Variants in SORCS3 observed in about 807,000 individuals in gnomAD.
The protein encoded by SORCS3 is sortilin related VPS10 domain containing receptor 3.
Under a neutral mutation model 146.3 loss-of-function variants are expected in SORCS3, and 57 were observed. That is an observed-to-expected ratio of 0.39 (90% CI 0.31 to 0.49). The LOEUF (loss-of-function observed/expected upper bound fraction) is 0.49. Among genes scored for constraint, SORCS3 ranks in the 20% least tolerant of loss-of-function variants. The pLI is 0.92. For missense variants in SORCS3, 1,341 were observed against 1,575.5 expected, an observed-to-expected ratio of 0.85 and a Z score of 2.52; for synonymous variants, 653 against 618.5, an observed-to-expected ratio of 1.06 and a Z score of -0.83.
rs1441560618 is a variant in SORCS3 at position 105,255,723 on chromosome 10, G to A, written c.3259G>A (p.Ala1087Thr). The part of the protein sequence containing the change: ...LEQIVETLFN[A>T]LNQNLVQFEL... ...TCAGATTGTAGAAACACTGTTTAAT[G>A]CTCTCAACCAAAATTTGGTCCAGTT... is the stretch of plus-strand genomic sequence containing the variant. The change falls in exon 24 of 27, where the codon GCT becomes ACT. Residue 1087 changes from alanine to threonine, a missense_variant. Physicochemically the swap from Ala to Thr is moderately conservative, Grantham distance 58. Coordinates refer to ENST00000369701, the MANE Select transcript of SORCS3 (RefSeq NM_014978.3). 6.2e-7 allele frequency: 1 copy of A among 1,613,686 alleles called. No individual in the cohort carries two copies. The highest frequency in any genetic ancestry group is 8.5e-7 in the Non-Finnish European group (1 of 1,179,842).
rs533642030 is a variant in SORCS3, at chr10:104,696,675, C to CAT, written c.627+54727_627+54728dup. Among the ~76,000 whole-genome samples the CAT allele has an allele frequency of 7.9e-4, 7 of 8,828 alleles. No individual in the cohort carries two copies. In the Admixed American group the frequency reaches 0.014, roughly 17 times the overall value. 5.8% of individuals were successfully genotyped at this position (8,828 alleles called of 152,430 possible). ...TTATATACGTATATATAATATATAA[C>CAT]ATATATAATATATAATATATATTAT... On this transcript the variant is annotated intron_variant, in intron 1 of 26. Transcript: ENST00000369701.
chr10:104,970,535 C>T (rs549082554), intron 3 of SORCS3, among the ~76,000 whole-genome samples: 8 of 152,248 alleles, frequency 5.3e-5, no homozygotes, highest in African/African-American at 1.7e-4. Context: ...TGCTTTGACC[C>T]GTTTCCCCTA....
intron 5 of SORCS3, among the ~76,000 whole-genome samples, chr10:105,074,996 G>A (rs1365753222): frequency 3.9e-5 from 6 of 152,116 alleles, no homozygotes; most frequent in East Asian, 1.9e-4. Flanking sequence ...CACATTATTA[G>A]CCTATAAATA....
chr10:104,859,278 T>C (rs1361379382), intron 2 of SORCS3, among the ~76,000 whole-genome samples: 1 of 152,128 alleles, frequency 6.6e-6, no homozygotes, highest in Non-Finnish European at 1.5e-5. Context: ...TCTACAACTA[T>C]CTGATCTTTG....
intron 6 of SORCS3, among the ~76,000 whole-genome samples, chr10:105,096,088 T>C (rs796424575): frequency 6.9e-6 from 1 of 145,296 alleles, no homozygotes; most frequent in African/African-American, 2.6e-5. Flanking sequence ...CCAAGCATTA[T>C]AATCACCTCA....
At chr10:104,942,553 T>G (rs557459319) in intron 3 of SORCS3, among the ~76,000 whole-genome samples, 50 of 152,280 alleles carry the variant, frequency 3.3e-4, no homozygotes, top group Non-Finnish European at 6.2e-4. Context: ...CCCTAAGACA[T>G]TAGCTAATTA....
chr10:105,242,212 A>G (rs1271404717), intron 20 of SORCS3, among the ~76,000 whole-genome samples: 2 of 146,520 alleles, frequency 1.4e-5, no homozygotes, highest in Admixed American at 1.4e-4. Context: ...ATTGTCCTGC[A>G]TCTTCAATAT....
intron 7 of SORCS3, among the ~76,000 whole-genome samples, chr10:105,108,730 A>G (rs920890127): frequency 6.6e-6 from 1 of 152,236 alleles, no homozygotes; most frequent in African/African-American, 2.4e-5. Flanking sequence ...ATTGGATTTC[A>G]TTAATCATCA....
intron 12 of SORCS3, among the ~76,000 whole-genome samples, chr10:105,165,743 A>G (rs147577934): frequency 9.9e-4 from 151 of 152,264 alleles, no homozygotes; most frequent in Admixed American, 2.3e-3. Flanking sequence ...TAGGCAAACC[A>G]TTTCTGGAGA....
At position 104,791,416 on chromosome 10, in the gene SORCS3, C is replaced by T. The variant is rs78166240; in HGVS notation, c.628-51376C>T. Among the ~76,000 whole-genome samples, 434 of 152,256 alleles carry T rather than the reference C, an allele frequency of 2.9e-3. 1 individual carries two copies. The highest frequency in any genetic ancestry group is 4.3e-3 in the Non-Finnish European group (293 of 68,014). ...GCTGGAAGATAACTTAGGAAGCTGT[C>T]GGGTTCAGCCTTTATGCAAGTAAGA... On this transcript the variant is annotated intron_variant, in intron 1 of 26. Coordinates refer to ENST00000369701, the MANE Select transcript of SORCS3 (RefSeq NM_014978.3).
At chr10:104,861,942 T>G (rs1206844800) in intron 2 of SORCS3, among the ~76,000 whole-genome samples, 6 of 152,188 alleles carry the variant, frequency 3.9e-5, no homozygotes, top group Non-Finnish European at 2.9e-5. Flanking sequence ...ACCTCTGCCT[T>G]TATCTCCGCA....
At chr10:104,849,238 G>A (rs925469430) in intron 2 of SORCS3, among the ~76,000 whole-genome samples, 7 of 151,648 alleles carry the variant, frequency 4.6e-5, no homozygotes, top group South Asian at 2.1e-4. Flanking sequence ...TGGTGAAACC[G>A]TGTCTCTACT....
intron 3 of SORCS3, among the ~76,000 whole-genome samples, chr10:104,976,714 G>A (rs1454864582): frequency 6.6e-6 from 1 of 152,192 alleles, no homozygotes; most frequent in Non-Finnish European, 1.5e-5. Flanking sequence ...TATACACCAT[G>A]GAATACTATG....
chr10:104,689,419 C>T (rs1176135670), intron 1 of SORCS3, among the ~76,000 whole-genome samples: 7 of 152,280 alleles, frequency 4.6e-5, no homozygotes, highest in African/African-American at 1.4e-4. Flanking sequence ...TGTTTGTTTG[C>T]GTGTCTGTCT....
At chr10:104,813,824 C>T (rs2017765989) in intron 1 of SORCS3, among the ~76,000 whole-genome samples, 1 of 152,018 alleles carries the variant, frequency 6.6e-6, no homozygotes. Context: ...AAAATTTCTT[C>T]CACCATTGTC....
intron 1 of SORCS3, among the ~76,000 whole-genome samples, chr10:104,680,153 T>TA (rs1194656193): frequency 6.6e-6 from 1 of 152,180 alleles, no homozygotes; most frequent in East Asian, 1.9e-4. Flanking sequence ...TGAGCCTTCC[T>TA]AGTGCCTCTC....
chr10:104,847,868 G>C (rs2018225029), intron 2 of SORCS3, among the ~76,000 whole-genome samples: 1 of 151,958 alleles, frequency 6.6e-6, no homozygotes, highest in South Asian at 2.1e-4. Flanking sequence ...TGTATGCCTG[G>C]CTTCAGGATG....
At chr10:104,940,224 ATATATATATATATATTTTTTT>A (rs1362292977) in intron 3 of SORCS3, among the ~76,000 whole-genome samples, 37 of 25,862 alleles carry the variant, frequency 1.4e-3, no homozygotes, top group Middle Eastern at 0.025. Flanking sequence ...ATATATATAT[ATATATATATATATATTTTTTT>A]TTTTTTTTTT....
chr10:104,937,848 CAT>C (rs1294250192), intron 3 of SORCS3, among the ~76,000 whole-genome samples: 3 of 152,234 alleles, frequency 2.0e-5, no homozygotes, highest in African/African-American at 7.2e-5. Flanking sequence ...TGCTTCCCCA[CAT>C]GTTTGGCCTC....
Sources: allele counts gnomAD v4.1 joint callset (sites outside exome capture counted in the v4.1 genomes callset), GRCh38; gene constraint gnomAD v4.1.1; transcripts MANE v1.5; gene names NCBI Gene and HGNC (gene_info 2026-07-23, HGNC 2026-07-21).